The following ADGRA2 variants were observed in gnomAD, a reference collection of about 807,000 sequenced individuals.
ADGRA2 encodes G-protein coupled receptor 124.
Under a neutral mutation model 98.7 loss-of-function variants are expected in ADGRA2, and 61 were observed. That is an observed-to-expected ratio of 0.62 (90% confidence interval 0.50 to 0.76). ADGRA2 has a LOEUF of 0.76. Among genes scored for constraint, ADGRA2 ranks in the 30% least tolerant of loss-of-function variants. The probability of loss-of-function intolerance (pLI) is 0.00; values close to 1 mark genes in which losing one functional copy is unlikely to be tolerated. For synonymous variants in ADGRA2, 858 were observed against 831.5 expected (o/e 1.03, Z -0.55); for missense variants, 1,712 against 1,860.0 (o/e 0.92, Z 1.46).
At chr8:37,822,137 G>A (rs1320970414) in intron 2 of ADGRA2, among the ~76,000 whole-genome samples, 2 of 152,114 alleles carry the variant, frequency 1.3e-5, no homozygotes, top group African/African-American at 2.4e-5. Flanking sequence ...TCAGAGACAA[G>A]AGGCACCTGG....
chr8:37,830,628 C>CCAA lies in ADGRA2; in HGVS notation c.719-80_719-79insACA. The CCAA allele has an allele frequency of 1.4e-6, 1 of 711,456 alleles. No homozygotes were observed. Among genetic ancestry groups the CCAA allele is most frequent in the Non-Finnish European group, 2.4e-6 (1 of 411,722 alleles). The allele number at this position is 711,456 out of a possible 1,614,324, so 44.1% of individuals were successfully genotyped here. On this transcript the variant is annotated intron_variant, in intron 6 of 18. Transcript: ENST00000412232. The surrounding 1 kb of genome is among the most constrained non-coding windows in gnomAD (Gnocchi z 4.8). Reference sequence around the variant, plus strand: ...GCCGAGGGCCCCGCCCCGCCCCACCCCATCCTGCTGGACTCTCGCTCACAC... The same window carrying CCAA: ...GCCGAGGGCCCCGCCCCGCCCCACCCCAACATCCTGCTGGACTCTCGCTCACAC...
chr8:37,812,462 C>T (rs1005762234), intron 1 of ADGRA2, among the ~76,000 whole-genome samples: 1 of 151,924 alleles, frequency 6.6e-6, no homozygotes, highest in African/African-American at 2.4e-5. Context: ...CCCGTCTCCA[C>T]TAAAAATACA....
chr8:37,807,424 G>A (rs1046623398), intron 1 of ADGRA2, among the ~76,000 whole-genome samples: 6 of 152,158 alleles, frequency 3.9e-5, no homozygotes, highest in East Asian at 3.9e-4. Flanking sequence ...ATCCGTCATC[G>A]AACATAATAA....
In ADGRA2 at chr8:37,841,700, C is replaced by T. The variant is rs1360541916; in HGVS notation, c.3362C>T (p.Pro1121Leu). The change falls in exon 19 of 19, where the codon CCA (proline) becomes CTA (leucine). Residue 1121 changes from proline to leucine, a missense_variant. Transcript: ENST00000412232. The surrounding 1 kb of genome is among the most constrained non-coding windows in gnomAD (Gnocchi z 5.0). The part of the protein sequence containing the change: ...GEGPPSLKSS[P>L]SGSSGHPLAL... ...GGCCCCCCCTCCCTCAAGTCCTCCC[C>T]AAGCGGCAGCAGCGGCCATCCGCTG... 1.9e-6 allele frequency: 3 copies of T among 1,540,174 alleles called. No individual in the cohort carries two copies. The highest frequency in any genetic ancestry group is 2.8e-5 in the African/African-American group (2 of 72,488).
intron 1 of ADGRA2, among the ~76,000 whole-genome samples, chr8:37,806,523 TTTC>T (rs1804668608): frequency 1.5e-5 from 2 of 135,758 alleles, no homozygotes; most frequent in African/African-American, 6.3e-5. Context: ...CTTTTTTCTT[TTTC>T]TTTTTTTTTT....
Position 37,839,095 on chromosome 8 carries a change from T to A in ADGRA2, c.2387+12T>A. On this transcript the variant is annotated intron_variant, in intron 15 of 18. Transcript: ENST00000412232. ...ATCCTCAACCACAGGTGGGTGCTCC[T>A]GCAGGAGGGAGGGCGTGGTGGGCAG... 6.2e-7 allele frequency: 1 copy of A among 1,606,914 alleles called. No individual in the cohort carries two copies. The highest frequency in any genetic ancestry group is 8.5e-7 in the Non-Finnish European group (1 of 1,176,584).
intron 1 of ADGRA2, among the ~76,000 whole-genome samples, chr8:37,798,443 C>CGGGG (rs2129876932): frequency 6.6e-6 from 1 of 152,342 alleles, no homozygotes; most frequent in South Asian, 2.1e-4. Flanking sequence ...GACCCCAAGC[C>CGGGG]TCCTACAAGG....
chr8:37,833,168 A>G lies in ADGRA2; in HGVS notation c.1256A>G (p.Tyr419Cys). 1.2e-6 allele frequency: 2 copies of G among 1,613,096 alleles called. No individual in the cohort carries two copies. Among genetic ancestry groups the G allele is most frequent in the Non-Finnish European group, 8.5e-7 (1 of 1,179,786 alleles). ...CCAGGGGACTACTCCCACTGTCTCT[A>G]CACCAACGACATCACCAGGGTGCTG... ...WEPGDYSHCL[Y>C]TNDITRVLYT... Residue 419 changes from tyrosine (Y) to cysteine (C), a missense_variant, in exon 9 of 19, where the codon TAC becomes TGC. Coordinates refer to ENST00000412232, the MANE Select transcript of ADGRA2 (RefSeq NM_032777.10).
intron 2 of ADGRA2, among the ~76,000 whole-genome samples, chr8:37,826,218 C>G (rs552348815): frequency 1.0e-3 from 158 of 152,308 alleles, no homozygotes; most frequent in African/African-American, 3.7e-3. Context: ...GCCCGTCCCC[C>G]ACGTGGGGGT....
chr8:37,844,686 GCAGGA>G lies in ADGRA2; in HGVS notation c.*2333_*2337del, dbSNP rs1372303147. 1 of 1,614,108 alleles carries G rather than the reference GCAGGA, an allele frequency of 6.2e-7. No individual in the cohort carries two copies. The highest frequency in any genetic ancestry group is 1.3e-5 in the African/African-American group (1 of 75,034). ...CAACATGCAGGGTGGCAAGAGAAGG[GCAGGA>G]CTGGCCGGCCGCTTCCCCTGGGGTA... On this transcript the variant is annotated 3_prime_UTR_variant, in exon 19 of 19. Coordinates refer to ENST00000412232, the MANE Select transcript of ADGRA2 (RefSeq NM_032777.10).
In ADGRA2 at chr8:37,840,978, C is replaced by T. The variant is rs1026290751; in HGVS notation, c.2748-108C>T. The T allele has an allele frequency of 4.1e-5, 51 of 1,254,246 alleles. 1 individual carries two copies. Among genetic ancestry groups the T allele is most frequent in the South Asian group, 5.4e-5 (4 of 74,422 alleles). The allele number at this position is 1,254,246 out of a possible 1,614,324, so 77.7% of individuals were successfully genotyped here. On this transcript the variant is annotated intron_variant, in intron 18 of 18. Transcript: ENST00000412232. The stretch of plus-strand genomic sequence containing the variant: ...CCAAGCCCATGCATGCTGACCAAGC[C>T]GTCCTTGTCTCCGTACTCACCATAT...
chr8:37,797,904 A>G lies in ADGRA2; in HGVS notation c.266+370A>G, dbSNP rs1804384942. ...AGGGTGAGAGCGGGGAATGCTCAGG[A>G]AAGATCGACGCTCGTGGCCCAGGAG... On this transcript the variant is annotated intron_variant, in intron 1 of 18. Coordinates refer to ENST00000412232, the MANE Select transcript of ADGRA2 (RefSeq NM_032777.10). The surrounding 1 kb of genome is among the most constrained non-coding windows in gnomAD (Gnocchi z 5.3). Among the ~76,000 whole-genome samples, 1 of 152,170 alleles carries G rather than the reference A, an allele frequency of 6.6e-6. No homozygotes were observed. The highest frequency in any genetic ancestry group is 2.1e-4 in the South Asian group (1 of 4,826).
chr8:37,832,119 CT>C (rs35211276), intron 8 of ADGRA2, among the ~76,000 whole-genome samples: 20 of 146,148 alleles, frequency 1.4e-4, no homozygotes, highest in South Asian at 2.1e-4. Flanking sequence ...CAGAAAAAGA[CT>C]TTTTTTTTTT....
In ADGRA2 at chr8:37,841,786, G is replaced by A; in HGVS notation, c.3448G>A (p.Gly1150Arg). ...QLAQSQVCEAGAAAGGEGEPE... is the reference protein window; with the variant it reads ...QLAQSQVCEARAAAGGEGEPE... ...GGCCCAGAGTCAGGTGTGCGAGGCG[G>A]GGGCGGCGGCCGGCGGGGAAGGAGA... The change falls in exon 19 of 19, where the codon GGG (glycine) becomes AGG (arginine). Residue 1150 changes from glycine (G) to arginine (R), a missense_variant. Coordinates refer to ENST00000412232, the MANE Select transcript of ADGRA2 (RefSeq NM_032777.10). The surrounding 1 kb of genome is among the most constrained non-coding windows in gnomAD (Gnocchi z 5.0). 1 of 1,533,842 alleles carries A rather than the reference G, an allele frequency of 6.5e-7. No homozygotes were observed. Among genetic ancestry groups the A allele is most frequent in the South Asian group, 1.2e-5 (1 of 83,580 alleles).
At chr8:37,828,286 G>C (rs1805339445) in intron 2 of ADGRA2, among the ~76,000 whole-genome samples, 2 of 152,188 alleles carry the variant, frequency 1.3e-5, no homozygotes, top group South Asian at 4.1e-4. Context: ...GGCAACCCCA[G>C]CGACCTGCAG....
chr8:37,836,809 AC>A (rs1342948309), intron 13 of ADGRA2, among the ~76,000 whole-genome samples: 1 of 151,890 alleles, frequency 6.6e-6, no homozygotes, highest in Non-Finnish European at 1.5e-5. Context: ...ATGTGGCTGT[AC>A]CCCCTTTGCC....
rs370874428 is a variant in ADGRA2, at chr8:37,815,008, G to A, written c.338+41G>A. ...GGTGAGGTGGAGGAGGGGGGTGGCC[G>A]TGATGGCAAGAGGTCACCCCGGGGA... On this transcript the variant is annotated intron_variant, in intron 2 of 18. Coordinates refer to ENST00000412232, the MANE Select transcript of ADGRA2 (RefSeq NM_032777.10). The A allele has an allele frequency of 6.0e-4, 828 of 1,377,768 alleles. 8 individuals carry two copies. In the South Asian group the frequency reaches 8.3e-3, roughly 14 times the overall value. The allele number at this position is 1,377,768 out of a possible 1,614,324, so 85.3% of individuals were successfully genotyped here. A position where few individuals can be genotyped will look rare whatever the true frequency, so the allele number is the denominator to read the frequency against.
chr8:37,819,869 G>A (rs1033720355), intron 2 of ADGRA2, among the ~76,000 whole-genome samples: 2 of 151,620 alleles, frequency 1.3e-5, no homozygotes, highest in African/African-American at 2.4e-5. Flanking sequence ...TGGGGTTTCA[G>A]CATGTTGGCC....
At position 37,843,911 on chromosome 8, in the gene ADGRA2, A is replaced by C. The variant is rs1156323155; in HGVS notation, c.*1556A>C. 2 of 153,086 alleles carry C rather than the reference A, an allele frequency of 1.3e-5. No homozygotes were observed. Among genetic ancestry groups the C allele is most frequent in the Non-Finnish European group, 1.5e-5 (1 of 68,426 alleles). The allele number at this position is 153,086 out of a possible 1,614,324, so 9.5% of individuals were successfully genotyped here. On this transcript the variant is annotated 3_prime_UTR_variant, in exon 19 of 19. Coordinates refer to ENST00000412232, the MANE Select transcript of ADGRA2 (RefSeq NM_032777.10). The stretch of plus-strand genomic sequence containing the variant: ...TAAGAACTCGGGTTTTATACAATAG[A>C]ATGTTTTCTAGCAGATGCCTCTTGT...
Sources: allele counts gnomAD v4.1 joint callset (sites outside exome capture counted in the v4.1 genomes callset), GRCh38; gene constraint gnomAD v4.1.1; non-coding constraint Gnocchi (gnomAD v3.1); transcripts MANE v1.5; gene names NCBI Gene and HGNC (gene_info 2026-07-23, HGNC 2026-07-21).